The following SLC4A4 variants were observed in gnomAD, a reference collection of about 807,000 sequenced individuals.
SLC4A4 encodes the protein solute carrier family 4 member 4.
A neutral mutation model predicts 111.5 loss-of-function variants in SLC4A4; 27 were observed. That is an observed-to-expected ratio of 0.24 (90% CI 0.18 to 0.33). SLC4A4 has a LOEUF of 0.33. SLC4A4 is among the 10% of genes least tolerant of loss of function. The pLI is 1.00. For missense variants in SLC4A4, 909 were observed against 1,315.5 expected (o/e 0.69, Z 4.78); for synonymous variants, 443 against 463.4 (o/e 0.96, Z 0.57).
chr4:71,378,541 G>T (rs866681716), intron 6 of SLC4A4, among the ~76,000 whole-genome samples: 18 of 152,298 alleles, frequency 1.2e-4, no homozygotes, highest in Middle Eastern at 6.8e-3. Context: ...ATACAGTAAA[G>T]CACTCTTATT....
Position 71,570,570 on chromosome 4 carries a change from A to C in SLC4A4, c.*2819A>C, listed in dbSNP as rs886059613. The C allele has an allele frequency of 1.2e-4, 19 of 152,220 alleles. No homozygotes were observed. Among genetic ancestry groups the C allele is most frequent in the Non-Finnish European group, 2.8e-4 (19 of 67,840 alleles). 9.4% of individuals were successfully genotyped at this position (152,220 alleles called of 1,614,324 possible). A position where few individuals can be genotyped will look rare whatever the true frequency, so the allele number is the denominator to read the frequency against. ...CAAACTGGACACAAATTACAACAGT[A>C]AATTTTTTTATAAGTGCTTCTCCCT... On this transcript the variant is annotated 3_prime_UTR_variant, in exon 26 of 26. Transcript: ENST00000264485.
chr4:71,237,590 G>T (rs1346623184), intron 2 of SLC4A4, among the ~76,000 whole-genome samples: 1 of 152,134 alleles, frequency 6.6e-6, no homozygotes, highest in African/African-American at 2.4e-5. Context: ...TGAACCAGAA[G>T]GTGGTGGGCT....
rs143432703 is a variant in SLC4A4 at position 71,358,309 on chromosome 4, C to T, written c.730+1122C>T. On this transcript the variant is annotated intron_variant, in intron 6 of 25. Coordinates refer to ENST00000264485, the MANE Select transcript of SLC4A4 (RefSeq NM_001098484.3). ...CAGCCTGGGCTACAGAGCGAGACTCCGTCTGAAAAAAAAAAAAAAAGAGAG... is the reference window on the plus strand; with the variant it reads ...CAGCCTGGGCTACAGAGCGAGACTCTGTCTGAAAAAAAAAAAAAAAGAGAG... Among the ~76,000 whole-genome samples, 1,373 of 146,234 alleles carry T rather than the reference C, an allele frequency of 9.4e-3. 4 individuals carry two copies. Among genetic ancestry groups the T allele is most frequent in the Non-Finnish European group, 0.015 (988 of 67,060 alleles).
chr4:71,123,999 G>T (rs1335835175), intron 2 of SLC4A4, among the ~76,000 whole-genome samples: 1 of 152,096 alleles, frequency 6.6e-6, no homozygotes, highest in East Asian at 1.9e-4. Flanking sequence ...TTTTAATTAG[G>T]CAGCTGAATC....
intron 1 of SLC4A4, among the ~76,000 whole-genome samples, chr4:71,086,208 CTGT>C (rs1196767030): frequency 4.6e-5 from 7 of 151,612 alleles, no homozygotes; most frequent in African/African-American, 1.7e-4. Flanking sequence ...CTCTGTTTGT[CTGT>C]TATTGGTGTA....
At chr4:71,548,245 GGTAAATTAGA>G (rs1248244284) in intron 20 of SLC4A4, among the ~76,000 whole-genome samples, 1 of 151,624 alleles carries the variant, frequency 6.6e-6, no homozygotes, top group Non-Finnish European at 1.5e-5. Context: ...AATTCACAAA[GGTAAATTAGA>G]GTAAAATTAC....
intron 18 of SLC4A4, among the ~76,000 whole-genome samples, chr4:71,537,223 G>A (rs541938562): frequency 7.9e-4 from 111 of 140,304 alleles, no homozygotes; most frequent in Non-Finnish European, 4.6e-4. Context: ...ACTCTAATGC[G>A]TTTTCATGCT....
At chr4:71,211,265 G>T (rs1718116135) in intron 1 of SLC4A4, among the ~76,000 whole-genome samples, 1 of 151,878 alleles carries the variant, frequency 6.6e-6, no homozygotes, top group South Asian at 2.1e-4. Flanking sequence ...TCTTTTATTT[G>T]CTTTTAACAA....
intron 16 of SLC4A4, among the ~76,000 whole-genome samples, chr4:71,522,188 A>G (rs1402101511): frequency 6.6e-6 from 1 of 152,080 alleles, no homozygotes; most frequent in Non-Finnish European, 1.5e-5. Flanking sequence ...GTTATCCCAC[A>G]CTGTAACTGG....
chr4:71,168,420 T>A (rs1040814202), intron 2 of SLC4A4, among the ~76,000 whole-genome samples: 1 of 152,108 alleles, frequency 6.6e-6, no homozygotes. Flanking sequence ...TGACCTCAGA[T>A]GATCTGCCTG....
intron 7 of SLC4A4, among the ~76,000 whole-genome samples, chr4:71,398,200 G>A (rs530949334): frequency 4.0e-5 from 6 of 151,018 alleles, no homozygotes; most frequent in African/African-American, 9.7e-5. Flanking sequence ...CATGAGAATC[G>A]CTTGAACCCG....
chr4:71,158,944 C>G (rs552914932), intron 2 of SLC4A4, among the ~76,000 whole-genome samples: 1 of 152,228 alleles, frequency 6.6e-6, no homozygotes, highest in African/African-American at 2.4e-5. Context: ...AGGGTCCAGT[C>G]TTTTTGTCCA....
chr4:71,069,524 C>G (rs897889162), intron 1 of SLC4A4, among the ~76,000 whole-genome samples: 2 of 152,200 alleles, frequency 1.3e-5, no homozygotes. Context: ...GAGAAAATTA[C>G]TTTCTTGTTA....
rs1728709227 is a variant in SLC4A4 at position 71,339,503 on chromosome 4, C to T, written c.387C>T (p.Ala129=). The T allele has an allele frequency of 1.2e-6, 2 of 1,612,892 alleles. No individual in the cohort carries two copies. The highest frequency in any genetic ancestry group is 1.7e-6 in the Non-Finnish European group (2 of 1,179,978). Residue 129 remains alanine (A), a splice_region_variant and synonymous_variant, in exon 4 of 26, where the codon GCC becomes GCT. Coordinates refer to ENST00000264485, the MANE Select transcript of SLC4A4 (RefSeq NM_001098484.3). ...DGQEMEWKET[A]RWIKFEEKVE... Reference sequence around the variant, plus strand: ...AGGAGATGGAGTGGAAGGAAACAGCCAGGTGAGGCATAGCTGACTGTATGT... The same window carrying T: ...AGGAGATGGAGTGGAAGGAAACAGCTAGGTGAGGCATAGCTGACTGTATGT...
intron 3 of SLC4A4, among the ~76,000 whole-genome samples, chr4:71,257,359 G>C (rs1721527253): frequency 6.6e-6 from 1 of 152,182 alleles, no homozygotes; most frequent in Non-Finnish European, 1.5e-5. Flanking sequence ...TGTTCCTGCT[G>C]ATCAATGTTA....
chr4:71,543,879 G>A (rs1560606077), intron 18 of SLC4A4, among the ~76,000 whole-genome samples: 1 of 135,652 alleles, frequency 7.4e-6, no homozygotes, highest in East Asian at 2.1e-4. Context: ...TCATGTCTGT[G>A]AATTTACAAT....
At chr4:71,345,343 G>A (rs567971265) in intron 4 of SLC4A4, among the ~76,000 whole-genome samples, 1 of 152,198 alleles carries the variant, frequency 6.6e-6, no homozygotes, top group Admixed American at 6.6e-5. Context: ...ATTCATTTGA[G>A]TAGGGATATC....
At chr4:71,220,074 G>A (rs1718652935) in intron 1 of SLC4A4, among the ~76,000 whole-genome samples, 1 of 152,176 alleles carries the variant, frequency 6.6e-6, no homozygotes, top group Admixed American at 6.5e-5. Context: ...TGAGAGGATT[G>A]ACTCCAATTT....
chr4:71,123,009 A>T (rs1743475976), intron 2 of SLC4A4, among the ~76,000 whole-genome samples: 1 of 152,242 alleles, frequency 6.6e-6, no homozygotes, highest in African/African-American at 2.4e-5. Flanking sequence ...AACAAGAACA[A>T]GATAAAATGA....
Sources: allele counts gnomAD v4.1 joint callset (sites outside exome capture counted in the v4.1 genomes callset), GRCh38; gene constraint gnomAD v4.1.1; transcripts MANE v1.5; gene names NCBI Gene and HGNC (gene_info 2026-07-23, HGNC 2026-07-21).